Variants in KCNB2 observed in about 807,000 individuals in gnomAD.
The protein encoded by KCNB2 is delayed rectifier potassium channel protein.
Under a neutral mutation model 61.5 loss-of-function variants are expected in KCNB2, and 15 were observed. The ratio of observed to expected loss-of-function variants is 0.24; its 90% CI spans 0.16 to 0.38. KCNB2 has a LOEUF of 0.38. Ranked by LOEUF, KCNB2 falls within the 10% of genes least tolerant of loss-of-function variation. The probability of loss-of-function intolerance (pLI) is 1.00; values close to 1 mark genes in which losing one functional copy is unlikely to be tolerated. For missense variants in KCNB2, 828 were observed against 1,125.2 expected, an observed-to-expected ratio of 0.74 and a Z score of 3.78; for synonymous variants, 457 against 446.0, an observed-to-expected ratio of 1.02 and a Z score of -0.31.
chr8:72,937,530 T>C lies in KCNB2; in HGVS notation c.2175T>C (p.Ser725=), dbSNP rs1198051690. 1 of 1,613,728 alleles carries C rather than the reference T, an allele frequency of 6.2e-7. No individual in the cohort carries two copies. The highest frequency in any genetic ancestry group is 1.3e-5 in the African/African-American group (1 of 74,832). ...LKVNFKENRG[S]APQTPPSTAR... ...TGAACTTTAAGGAAAATAGAGGCAG[T>C]GCACCACAGACCCCGCCCAGCACAG... Residue 725 remains serine, a synonymous_variant, in exon 3 of 3, where the codon AGT becomes AGC. Transcript: ENST00000523207.
At chr8:72,646,906 C>T (rs750323900) in intron 2 of KCNB2, among the ~76,000 whole-genome samples, 1 of 152,028 alleles carries the variant, frequency 6.6e-6, no homozygotes, top group Non-Finnish European at 1.5e-5. Context: ...TTTTTTTGTG[C>T]TGAAATCCTC....
At chr8:72,667,162 T>C (rs563690414) in intron 2 of KCNB2, among the ~76,000 whole-genome samples, 2 of 152,286 alleles carry the variant, frequency 1.3e-5, no homozygotes, top group Admixed American at 1.3e-4. Flanking sequence ...GCAGAGTCTT[T>C]GTGAGGATTA....
intron 2 of KCNB2, among the ~76,000 whole-genome samples, chr8:72,900,609 C>G (rs1277640471): frequency 2.0e-5 from 3 of 152,084 alleles, no homozygotes; most frequent in African/African-American, 7.2e-5. Context: ...TGACAAAGAT[C>G]TAATACCCAG....
intron 1 of KCNB2, among the ~76,000 whole-genome samples, chr8:72,561,761 GGATATATATATATA>G (rs1806531886): frequency 1.6e-4 from 4 of 24,396 alleles, no homozygotes; most frequent in African/African-American, 3.2e-4. Context: ...ATATATATAT[GGATATATATATATA>G]TGGATATATA....
intron 2 of KCNB2, among the ~76,000 whole-genome samples, chr8:72,860,267 A>G (rs1321919566): frequency 2.0e-5 from 3 of 146,406 alleles, no homozygotes; most frequent in East Asian, 1.9e-4. Context: ...CTTTTTTCCA[A>G]TGAGGCTCCA....
At chr8:72,852,239 G>T (rs1051588809) in intron 2 of KCNB2, among the ~76,000 whole-genome samples, 1 of 152,114 alleles carries the variant, frequency 6.6e-6, no homozygotes, top group African/African-American at 2.4e-5. Context: ...TAGCCTGGGT[G>T]ACAGAGAGAG....
At chr8:72,550,890 T>G (rs1333875803) in intron 1 of KCNB2, among the ~76,000 whole-genome samples, 3 of 152,152 alleles carry the variant, frequency 2.0e-5, no homozygotes, top group African/African-American at 4.8e-5. Context: ...TATTTGGAGA[T>G]TCAGACAGGC....
chr8:72,616,301 T>G lies in KCNB2; in HGVS notation c.579+47988T>G, dbSNP rs753350647. ...GCTGTAATTTTAAAATCACTATGGA[T>G]TTTGATTGTGCAAGTGGCATGCTTA... is the stretch of plus-strand genomic sequence containing the variant. On this transcript the variant is annotated intron_variant, in intron 2 of 2. Transcript: ENST00000523207. 5.3e-4 allele frequency among the ~76,000 whole-genome samples: 81 copies of G among 152,174 alleles called. 1 individual carries two copies. The highest frequency in any genetic ancestry group is 2.8e-3 in the Admixed American group (43 of 15,278).
chr8:72,869,939 C>G (rs1468224140), intron 2 of KCNB2, among the ~76,000 whole-genome samples: 1 of 152,140 alleles, frequency 6.6e-6, no homozygotes, highest in African/African-American at 2.4e-5. Flanking sequence ...TGGAAACCAC[C>G]TAAATGTCCA....
intron 1 of KCNB2, among the ~76,000 whole-genome samples, chr8:72,553,426 G>A (rs1585747584): frequency 6.7e-6 from 1 of 150,284 alleles, no homozygotes; most frequent in South Asian, 2.1e-4. Flanking sequence ...AAAGTACAAA[G>A]AAAGAGTCTA....
At chr8:72,598,201 A>G (rs1014126046) in intron 2 of KCNB2, among the ~76,000 whole-genome samples, 4 of 152,234 alleles carry the variant, frequency 2.6e-5, no homozygotes, top group Non-Finnish European at 4.4e-5. Flanking sequence ...AAAATCCTCA[A>G]TAAAATACTG....
intron 2 of KCNB2, among the ~76,000 whole-genome samples, chr8:72,874,337 T>C (rs1294519653): frequency 5.3e-5 from 8 of 152,220 alleles, no homozygotes; most frequent in Non-Finnish European, 1.2e-4. Context: ...GGCTTTATTT[T>C]ACTCCAGCCA....
chr8:72,729,899 A>G (rs889932805), intron 2 of KCNB2, among the ~76,000 whole-genome samples: 1 of 152,030 alleles, frequency 6.6e-6, no homozygotes. Context: ...AAAAAAAAAG[A>G]TTACACACAT....
chr8:72,828,190 G>A (rs1809630411), intron 2 of KCNB2, among the ~76,000 whole-genome samples: 2 of 152,160 alleles, frequency 1.3e-5, no homozygotes, highest in Admixed American at 6.5e-5. Flanking sequence ...TAATCAAATT[G>A]TAAACATGGT....
At chr8:72,899,211 C>G (rs1229817539) in intron 2 of KCNB2, among the ~76,000 whole-genome samples, 2 of 152,116 alleles carry the variant, frequency 1.3e-5, no homozygotes, top group Non-Finnish European at 2.9e-5. Flanking sequence ...GATAAAAACC[C>G]TCAACAGACG....
intron 2 of KCNB2, among the ~76,000 whole-genome samples, chr8:72,816,981 A>G (rs1288276584): frequency 2.0e-5 from 3 of 152,174 alleles, no homozygotes; most frequent in African/African-American, 2.4e-5. Context: ...TATGGCTGCA[A>G]TGAAAAGATC....
intron 2 of KCNB2, among the ~76,000 whole-genome samples, chr8:72,780,701 A>G (rs1408104468): frequency 1.3e-5 from 2 of 152,194 alleles, no homozygotes; most frequent in African/African-American, 2.4e-5. Context: ...ATGTATCTTT[A>G]TAACAGAATG....
At chr8:72,570,453 T>C (rs1806691039) in intron 2 of KCNB2, among the ~76,000 whole-genome samples, 1 of 152,200 alleles carries the variant, frequency 6.6e-6, no homozygotes, top group African/African-American at 2.4e-5. Context: ...GATTATATAG[T>C]AGTTTAGTGA....
At chr8:72,725,563 A>ATG (rs1554587055) in intron 2 of KCNB2, among the ~76,000 whole-genome samples, 3 of 90,688 alleles carry the variant, frequency 3.3e-5, no homozygotes, top group South Asian at 4.1e-4. Context: ...ATATGTATAT[A>ATG]TGTATATATA....
Sources: gnomAD v4.1 joint callset for allele counts (sites outside exome capture counted in the v4.1 genomes callset) on GRCh38, gnomAD v4.1.1 for gene constraint, MANE v1.5 for transcripts, NCBI Gene and HGNC (gene_info 2026-07-23, HGNC 2026-07-21) for gene names.